TRDN: variants seen among roughly 807,000 people sequenced by gnomAD.
TRDN encodes triadin in skeletal muscle.
A neutral mutation model predicts 149.7 loss-of-function variants in TRDN; 161 were observed. The ratio of observed to expected loss-of-function variants is 1.08; its 90% CI spans 0.95 to 1.23. TRDN has a LOEUF of 1.23. Among genes scored for constraint, TRDN ranks in the 50% most tolerant of loss-of-function variants. The pLI is 0.00. For synonymous variants in TRDN, 294 were observed against 250.5 expected (o/e 1.17, Z -1.64); for missense variants, 896 against 823.5 (o/e 1.09, Z -1.08).
At chr6:123,355,314 C>CT (rs1780624134) in intron 20 of TRDN, among the ~76,000 whole-genome samples, 1 of 151,482 alleles carries the variant, frequency 6.6e-6, no homozygotes, top group Non-Finnish European at 1.5e-5. Flanking sequence ...GTAACTAATG[C>CT]TTTTTGTATT....
chr6:123,312,477 T>C (rs541464091), intron 24 of TRDN, among the ~76,000 whole-genome samples: 1 of 152,126 alleles, frequency 6.6e-6, no homozygotes, highest in South Asian at 2.1e-4. Flanking sequence ...TAGTTCACTT[T>C]GTTGTAGGAA....
At chr6:123,411,928 A>G (rs1430094311) in intron 12 of TRDN, 2 of 152,322 alleles carry the variant, frequency 1.3e-5, no homozygotes, top group South Asian at 2.1e-4. Flanking sequence ...TTAAGAAAAC[A>G]TGGGAAGGAT....
At chr6:123,235,590 A>G (rs1162191301) in intron 38 of TRDN, among the ~76,000 whole-genome samples, 1 of 152,144 alleles carries the variant, frequency 6.6e-6, no homozygotes, top group Admixed American at 6.6e-5. Flanking sequence ...TCACACAGTA[A>G]ATTGAGTTTT....
At chr6:123,301,070 G>A (rs1192522958) in intron 24 of TRDN, among the ~76,000 whole-genome samples, 1 of 151,820 alleles carries the variant, frequency 6.6e-6, no homozygotes, top group Non-Finnish European at 1.5e-5. Flanking sequence ...TCTACTCTAA[G>A]GAATATGGAG....
intron 1 of TRDN, among the ~76,000 whole-genome samples, chr6:123,590,644 C>T (rs571399032): frequency 6.6e-6 from 1 of 152,086 alleles, no homozygotes; most frequent in South Asian, 2.1e-4. Flanking sequence ...TGCCTATAGT[C>T]CCAACTACTT....
chr6:123,561,341 C>G (rs978834682), intron 2 of TRDN, among the ~76,000 whole-genome samples: 5 of 152,182 alleles, frequency 3.3e-5, no homozygotes, highest in African/African-American at 1.2e-4. Flanking sequence ...CCTCACCAAG[C>G]TCAGCCACCA....
At chr6:123,533,980 C>A (rs1780389111) in intron 4 of TRDN, among the ~76,000 whole-genome samples, 1 of 152,084 alleles carries the variant, frequency 6.6e-6, no homozygotes, top group Non-Finnish European at 1.5e-5. Flanking sequence ...CAACTTAGAT[C>A]AGTCTCACAG....
intron 21 of TRDN, among the ~76,000 whole-genome samples, chr6:123,338,302 G>A (rs1346921): frequency 0.19 from 28,166 of 152,068 alleles, 3,553 homozygotes; most frequent in East Asian, 0.63. Flanking sequence ...GAGAGAGAAT[G>A]GGAGGCCTGG....
At chr6:123,535,230 T>C (rs1780468843) in intron 4 of TRDN, among the ~76,000 whole-genome samples, 1 of 152,166 alleles carries the variant, frequency 6.6e-6, no homozygotes, top group Non-Finnish European at 1.5e-5. Context: ...AATCCCTTTA[T>C]TCTACTGAGT....
intron 20 of TRDN, among the ~76,000 whole-genome samples, chr6:123,358,923 T>C (rs1003234891): frequency 4.2e-4 from 64 of 152,224 alleles, no homozygotes; most frequent in African/African-American, 1.4e-3. Flanking sequence ...TTCGGAGAGG[T>C]AGACCTACAG....
At chr6:123,446,606 A>AAAAAAAAC in intron 10 of TRDN, among the ~76,000 whole-genome samples, 1 of 146,022 alleles carries the variant, frequency 6.8e-6, no homozygotes, top group African/African-American at 2.6e-5. Context: ...AAAAAAAAAA[A>AAAAAAAAC]AAAGAAGAGC....
At chr6:123,303,985 G>A (rs1229806366) in intron 24 of TRDN, among the ~76,000 whole-genome samples, 2 of 152,162 alleles carry the variant, frequency 1.3e-5, no homozygotes, top group Non-Finnish European at 2.9e-5. Context: ...ACATAACTTC[G>A]TGCCTACTTG....
chr6:123,565,370 C>A (rs1782227368), intron 2 of TRDN, among the ~76,000 whole-genome samples: 1 of 152,168 alleles, frequency 6.6e-6, no homozygotes, highest in Non-Finnish European at 1.5e-5. Flanking sequence ...GAACTAAAGT[C>A]AATGTGGATA....
At chr6:123,511,731 A>G (rs943404104) in intron 7 of TRDN, among the ~76,000 whole-genome samples, 3 of 152,176 alleles carry the variant, frequency 2.0e-5, no homozygotes, top group African/African-American at 7.2e-5. Context: ...CGAGGCTGAA[A>G]TCAAGTTGTC....
At chr6:123,492,766 TA>T (rs1778277072) in intron 9 of TRDN, among the ~76,000 whole-genome samples, 1 of 152,086 alleles carries the variant, frequency 6.6e-6, no homozygotes, top group African/African-American at 2.4e-5. Context: ...AAAAAACCCA[TA>T]AATTGTGTTT....
chr6:123,503,379 A>G (rs1778780364), intron 8 of TRDN: 2 of 985,320 alleles, frequency 2.0e-6, no homozygotes, highest in Non-Finnish European at 2.4e-6. Context: ...TCCAAAGAGT[A>G]TGACACATAC....
At chr6:123,349,998 G>T (rs1468303506) in intron 21 of TRDN, 3 of 985,292 alleles carry the variant, frequency 3.0e-6, no homozygotes, top group Non-Finnish European at 3.6e-6. Context: ...ACACAAATTA[G>T]CCCATTTATG....
At chr6:123,504,424 C>T (rs760792749) in intron 7 of TRDN, among the ~76,000 whole-genome samples, 8 of 152,154 alleles carry the variant, frequency 5.3e-5, no homozygotes, top group African/African-American at 1.7e-4. Flanking sequence ...GTAAAATTAT[C>T]GCATTGGTGT....
At chr6:123,432,937 T>A (rs1353771063) in intron 12 of TRDN, among the ~76,000 whole-genome samples, 1 of 151,908 alleles carries the variant, frequency 6.6e-6, no homozygotes, top group Admixed American at 6.6e-5. Flanking sequence ...GATCCTGGAC[T>A]GTATTCCCTT....
Sources: gnomAD v4.1 joint callset for allele counts (sites outside exome capture counted in the v4.1 genomes callset) on GRCh38, gnomAD v4.1.1 for gene constraint, MANE v1.5 for transcripts, NCBI Gene and HGNC (gene_info 2026-07-23, HGNC 2026-07-21) for gene names.